Variants in FRK observed in about 807,000 individuals in gnomAD.
FRK encodes the protein tyrosine-protein kinase FRK.
Under a neutral mutation model 56.4 loss-of-function variants are expected in FRK, and 51 were observed. That is an observed-to-expected ratio of 0.90 (90% CI 0.72 to 1.14). The LOEUF (loss-of-function observed/expected upper bound fraction) is 1.14. Among genes scored for constraint, FRK ranks in the 50% most tolerant of loss-of-function variants. FRK has a pLI of 0.00. For missense variants in FRK, 570 were observed against 601.4 expected (o/e 0.95, Z 0.55); for synonymous variants, 245 against 217.9 (o/e 1.12, Z -1.10).
At chr6:116,084,188 G>T in the FRK span, among the ~76,000 whole-genome samples, 6,349 of 152,172 alleles carry the variant, frequency 0.042, 220 homozygotes, top group African/African-American at 0.094. Flanking sequence ...GGCAGGATCA[G>T]TTGCTCAAGT....
At chr6:116,068,389 G>GA in the FRK span, among the ~76,000 whole-genome samples, 114 of 144,020 alleles carry the variant, frequency 7.9e-4, no homozygotes, top group Middle Eastern at 0.011. Flanking sequence ...GGCTTAAAAA[G>GA]AAAAAAAAAA....
the FRK span, among the ~76,000 whole-genome samples, chr6:116,099,719 C>T: frequency 6.6e-6 from 1 of 152,174 alleles, no homozygotes; most frequent in African/African-American, 2.4e-5. Flanking sequence ...TAAATTAATC[C>T]TCTGATTGGT....
intron 2 of FRK, among the ~76,000 whole-genome samples, chr6:115,991,308 T>C (rs1478673342): frequency 2.0e-5 from 3 of 151,932 alleles, no homozygotes; most frequent in Non-Finnish European, 4.4e-5. Context: ...CAGTACTATA[T>C]TGAATAGGAG....
the FRK span, among the ~76,000 whole-genome samples, chr6:116,075,949 C>T: frequency 6.9e-6 from 1 of 145,220 alleles, no homozygotes; most frequent in Non-Finnish European, 1.5e-5. Flanking sequence ...AATTTTGGCA[C>T]ATATCAACTC....
intron 1 of FRK, among the ~76,000 whole-genome samples, chr6:116,048,723 T>C (rs868136283): frequency 1.3e-5 from 2 of 152,078 alleles, no homozygotes; most frequent in Admixed American, 6.6e-5. Context: ...CTCTTTCTCC[T>C]CTCCTCTTCT....
rs1368063853 is a variant in FRK, at chr6:115,944,381, C to A, written c.1003G>T (p.Ala335Ser). ...GCCATTCCAGAGGCAACCTGTGCCG[C>A]CATGTCTACCTGTTGAGTCAGATGG... Reference protein sequence around the residue: ...KIHLTQQVDMAAQVASGMAYL... With the variant: ...KIHLTQQVDMSAQVASGMAYL... Residue 335 changes from alanine to serine, a missense_variant, in exon 6 of 8, where the codon GCG (alanine) becomes TCG (serine). Coordinates refer to ENST00000606080, the MANE Select transcript of FRK (RefSeq NM_002031.3). 1.9e-6 allele frequency: 3 copies of A among 1,612,036 alleles called. No individual in the cohort carries two copies. Among genetic ancestry groups the A allele is most frequent in the African/African-American group, 2.7e-5 (2 of 74,836 alleles).
At chr6:115,953,651 A>G (rs962662590) in intron 5 of FRK, among the ~76,000 whole-genome samples, 8 of 152,276 alleles carry the variant, frequency 5.3e-5, no homozygotes, top group African/African-American at 1.9e-4. Flanking sequence ...TAGGGTTCAT[A>G]CTTAGCCCTA....
the FRK span, among the ~76,000 whole-genome samples, chr6:116,075,410 T>G: frequency 6.8e-6 from 1 of 147,642 alleles, no homozygotes; most frequent in Non-Finnish European, 1.5e-5. Context: ...CCAAAAAAGC[T>G]AATAGTATTT....
intron 2 of FRK, among the ~76,000 whole-genome samples, chr6:115,979,603 C>T (rs1734039869): frequency 6.6e-6 from 1 of 152,044 alleles, no homozygotes; most frequent in Non-Finnish European, 1.5e-5. Context: ...CATCACAGGC[C>T]TTCACATTGA....
At chr6:115,960,466 G>T (rs981654558) in intron 4 of FRK, among the ~76,000 whole-genome samples, 1 of 150,382 alleles carries the variant, frequency 6.6e-6, no homozygotes. Flanking sequence ...CGAGGCTGGG[G>T]GAAGGGCGCC....
intron 5 of FRK, 49 bp downstream of exon 5, chr6:115,956,403 A>G (rs768589876): frequency 2.8e-5 from 39 of 1,379,992 alleles, no homozygotes; most frequent in Non-Finnish European, 3.8e-5. Context: ...TTATGGGACT[A>G]GCTAAATTAA....
the FRK span, among the ~76,000 whole-genome samples, chr6:116,072,618 G>A: frequency 1.3e-5 from 2 of 151,638 alleles, no homozygotes; most frequent in Non-Finnish European, 2.9e-5. Flanking sequence ...CCCCTACCAT[G>A]ATGACAATGT....
rs1391245147 is a variant in FRK at position 115,941,544 on chromosome 6, T to G, written c.*870A>C. The stretch of plus-strand genomic sequence containing the variant: ...AAACTCTGATCTGTAGGCCAAAGGG[T>G]ACTTCTTTTTCTTTATTAATTACTC... On this transcript the variant is annotated 3_prime_UTR_variant, in exon 8 of 8. Transcript: ENST00000606080. The G allele has an allele frequency of 1.3e-5, 2 of 152,076 alleles. No homozygotes were observed. The highest frequency in any genetic ancestry group is 2.9e-5 in the Non-Finnish European group (2 of 68,014). The allele number at this position is 152,076 out of a possible 1,614,324, so 9.4% of individuals were successfully genotyped here.
chr6:115,931,160 C>T lies in FRK; in HGVS notation c.*11254G>A, dbSNP rs2114481300. The stretch of plus-strand genomic sequence containing the variant: ...GGAGACATTTCACGTGCTATGAACA[C>T]ATTGAATTTATATTTTAGATCCACA... On this transcript the variant is annotated 3_prime_UTR_variant, in exon 8 of 8. Transcript: ENST00000606080. 6.6e-6 allele frequency: 1 copy of T among 152,336 alleles called. No individual in the cohort carries two copies. Among genetic ancestry groups the T allele is most frequent in the East Asian group, 1.9e-4 (1 of 5,192 alleles). The allele number at this position is 152,336 out of a possible 1,614,324, so 9.4% of individuals were successfully genotyped here.
At chr6:116,010,399 A>C (rs1775418736) in intron 1 of FRK, among the ~76,000 whole-genome samples, 2 of 152,232 alleles carry the variant, frequency 1.3e-5, no homozygotes, top group African/African-American at 4.8e-5. Context: ...TAAAAAATTA[A>C]AAGAGGTCAA....
At chr6:116,031,177 CT>C (rs1776293126) in intron 1 of FRK, among the ~76,000 whole-genome samples, 1 of 152,064 alleles carries the variant, frequency 6.6e-6, no homozygotes, top group Admixed American at 6.6e-5. Flanking sequence ...GATTAATTCA[CT>C]GACAGAAATA....
At chr6:116,096,462 C>T in the FRK span, among the ~76,000 whole-genome samples, 5 of 152,100 alleles carry the variant, frequency 3.3e-5, no homozygotes, top group Admixed American at 6.6e-5. Flanking sequence ...CACCAATCAG[C>T]ACTCTGTGTC....
chr6:115,951,620 G>T (rs968500723), intron 5 of FRK, among the ~76,000 whole-genome samples: 3 of 152,054 alleles, frequency 2.0e-5, no homozygotes, highest in Non-Finnish European at 4.4e-5. Context: ...AAATTATCCA[G>T]CTAAGCTGAG....
chr6:116,070,182 C>A, the FRK span, among the ~76,000 whole-genome samples: 1 of 150,152 alleles, frequency 6.7e-6, no homozygotes, highest in Non-Finnish European at 1.5e-5. Flanking sequence ...TAGGTCACAG[C>A]TATTAGTGAA....
Sources: allele counts gnomAD v4.1 joint callset (sites outside exome capture counted in the v4.1 genomes callset), GRCh38; gene constraint gnomAD v4.1.1; transcripts MANE v1.5; gene names NCBI Gene and HGNC (gene_info 2026-07-23, HGNC 2026-07-21).